TRIO: variants seen among roughly 807,000 people sequenced by gnomAD.
TRIO encodes trio Rho guanine nucleotide exchange factor.
TRIO carries 58 observed loss-of-function variants against 351.9 expected under a neutral mutation model. The observed-to-expected ratio is 0.16, with a 90% CI of 0.13 to 0.21. The LOEUF (loss-of-function observed/expected upper bound fraction) is 0.21. Ranked by LOEUF, TRIO falls within the 10% of genes least tolerant of loss-of-function variation. The probability of loss-of-function intolerance (pLI) is 1.00; values close to 1 mark genes in which losing one functional copy is unlikely to be tolerated. For missense variants in TRIO, 3,201 were observed against 4,027.8 expected (o/e 0.79, Z 5.56); for synonymous variants, 1,758 against 1,595.7 (o/e 1.10, Z -2.42).
At chr5:14,499,343 G>T (rs568848034) in intron 53 of TRIO, among the ~76,000 whole-genome samples, 1 of 152,326 alleles carries the variant, frequency 6.6e-6, no homozygotes, top group South Asian at 2.1e-4. Context: ...CTTTCAAAAC[G>T]TCCTGTAGTT....
chr5:14,201,883 T>C (rs1471089528), intron 1 of TRIO, among the ~76,000 whole-genome samples: 3 of 147,460 alleles, frequency 2.0e-5, no homozygotes, highest in African/African-American at 2.5e-5. Context: ...AAGTTGAAAA[T>C]TGCGTGTTCT....
intron 9 of TRIO, 141 bp from the exon 10 acceptor site, chr5:14,330,637 C>T (rs1341812522): frequency 4.8e-6 from 5 of 1,050,656 alleles, no homozygotes; most frequent in Non-Finnish European, 6.5e-6. Context: ...TATCCAATTA[C>T]TTCTTCCCAT....
At chr5:14,445,111 C>G (rs1342521944) in intron 34 of TRIO, among the ~76,000 whole-genome samples, 1 of 152,114 alleles carries the variant, frequency 6.6e-6, no homozygotes, top group African/African-American at 2.4e-5. Context: ...CCTCCAGGTG[C>G]TCAAAGTTGG....
intron 1 of TRIO, among the ~76,000 whole-genome samples, chr5:14,149,488 C>G (rs768643414): frequency 2.0e-5 from 3 of 152,092 alleles, no homozygotes; most frequent in Non-Finnish European, 4.4e-5. Context: ...TAAGGAAGCC[C>G]CTTGAAACCC....
At chr5:14,165,515 G>A (rs1357058915) in intron 1 of TRIO, among the ~76,000 whole-genome samples, 2 of 152,062 alleles carry the variant, frequency 1.3e-5, no homozygotes, top group Admixed American at 6.5e-5. Flanking sequence ...TACCATTGGC[G>A]GGCACGTGGG....
At chr5:14,202,294 A>ATTTTTTTTTT (rs60827656) in intron 1 of TRIO, among the ~76,000 whole-genome samples, 30 of 33,562 alleles carry the variant, frequency 8.9e-4, no homozygotes, top group African/African-American at 1.1e-3. Context: ...TATTTTTGTG[A>ATTTTTTTTTT]TTTTTTTTTT....
chr5:14,394,098 C>T lies in TRIO; in HGVS notation c.4279C>T (p.Gln1427Ter). 6.2e-7 allele frequency: 1 copy of T among 1,612,804 alleles called. No individual in the cohort carries two copies. Among genetic ancestry groups the T allele is most frequent in the Non-Finnish European group, 8.5e-7 (1 of 1,179,256 alleles). The stretch of plus-strand genomic sequence containing the variant: ...TTCTTCCTACCTTATTAAACCAGTT[C>T]AGCGAATAACGAAGTATCAGCTCCT... ...SISSYLIKPV[Q>*]RITKYQLLLK... The change falls in exon 28 of 57, where the codon CAG becomes TAG. Residue 1427 changes from glutamine (Q) to a stop codon, truncating the protein, a stop_gained. Transcript: ENST00000344204. LOFTEE classifies it high-confidence loss of function.
chr5:14,302,190 A>G (rs1737960966), intron 7 of TRIO, among the ~76,000 whole-genome samples: 1 of 152,208 alleles, frequency 6.6e-6, no homozygotes, highest in Non-Finnish European at 1.5e-5. Context: ...TGATTTTGAT[A>G]TAGTGATATG....
At chr5:14,347,429 C>G (rs1249044037) in intron 11 of TRIO, among the ~76,000 whole-genome samples, 1 of 152,260 alleles carries the variant, frequency 6.6e-6, no homozygotes, top group Non-Finnish European at 1.5e-5. Context: ...AGTTTAATCC[C>G]TGGTGTCACC....
At chr5:14,304,674 T>A (rs894771360) in intron 8 of TRIO, 82 bp downstream of exon 8, 6 of 1,479,634 alleles carry the variant, frequency 4.1e-6, no homozygotes, top group African/African-American at 2.8e-5. Context: ...AAAAAAAGTT[T>A]TGGGTAGCCC....
rs149898209 is a variant in TRIO at position 14,233,409 on chromosome 5, G to A, written c.158-37416G>A. On this transcript the variant is annotated intron_variant, in intron 1 of 56. Coordinates refer to ENST00000344204, the MANE Select transcript of TRIO (RefSeq NM_007118.4). Reference sequence around the variant, plus strand: ...GGAGGCTGAAGTGGGAGGACTGCTTGAGCCTGGGAGGCAGAGGTTGCAGTG... The same window carrying A: ...GGAGGCTGAAGTGGGAGGACTGCTTAAGCCTGGGAGGCAGAGGTTGCAGTG... 1.7e-4 allele frequency among the ~76,000 whole-genome samples: 26 copies of A among 151,204 alleles called. No homozygotes were observed. The East Asian group carries it at 5.1e-3, about 29-fold the overall frequency.
At chr5:14,407,429 C>T (rs1748824533) in intron 33 of TRIO, among the ~76,000 whole-genome samples, 1 of 152,252 alleles carries the variant, frequency 6.6e-6, no homozygotes, top group Non-Finnish European at 1.5e-5. Flanking sequence ...GGACCTACCA[C>T]ACTGAAGGCC....
intron 1 of TRIO, among the ~76,000 whole-genome samples, chr5:14,255,523 C>T (rs751644461): frequency 5.3e-5 from 8 of 152,192 alleles, no homozygotes; most frequent in Admixed American, 1.3e-4. Context: ...AGGCAAGTCA[C>T]GGGAGAACGC....
chr5:14,507,316 C>G lies in TRIO; in HGVS notation c.8751+56C>G, dbSNP rs555949417. The G allele has an allele frequency of 1.4e-5, 22 of 1,594,922 alleles. No homozygotes were observed. In the African/African-American group the frequency reaches 2.2e-4, roughly 16 times the overall value. On this transcript the variant is annotated intron_variant, in intron 56 of 56. Coordinates refer to ENST00000344204, the MANE Select transcript of TRIO (RefSeq NM_007118.4). ...GTCTGAGCACACCGGCTTGGCCATG[C>G]GGGACACAGAGCCCCCTCTGAAGCC...
At chr5:14,280,473 A>G in intron 3 of TRIO, 37 bp downstream of exon 3, 1 of 1,564,752 alleles carries the variant, frequency 6.4e-7, no homozygotes, top group Non-Finnish European at 8.8e-7. Context: ...CACTGATGTC[A>G]CATTTACAAG....
intron 38 of TRIO, among the ~76,000 whole-genome samples, chr5:14,472,168 T>C (rs558379364): frequency 3.2e-4 from 48 of 152,346 alleles, no homozygotes; most frequent in African/African-American, 1.1e-3. Context: ...GAAATACTTG[T>C]GAGTGATGTG....
intron 1 of TRIO, among the ~76,000 whole-genome samples, chr5:14,236,667 A>G (rs1419778319): frequency 6.6e-6 from 1 of 152,230 alleles, no homozygotes; most frequent in Admixed American, 6.5e-5. Flanking sequence ...TCTTAGTATA[A>G]TAACATTTCC....
At chr5:14,493,281 G>C (rs1182863507) in intron 49 of TRIO, among the ~76,000 whole-genome samples, 1 of 150,940 alleles carries the variant, frequency 6.6e-6, no homozygotes, top group African/African-American at 2.5e-5. Context: ...TTTGTGCTTT[G>C]CTTTAATGTG....
At chr5:14,433,209 A>C (rs528391433) in intron 34 of TRIO, among the ~76,000 whole-genome samples, 1 of 152,364 alleles carries the variant, frequency 6.6e-6, no homozygotes, top group South Asian at 2.1e-4. Context: ...ATAGTAAATA[A>C]AGCAATGAAA....
Sources: allele counts gnomAD v4.1 joint callset (sites outside exome capture counted in the v4.1 genomes callset), GRCh38; gene constraint gnomAD v4.1.1; transcripts MANE v1.5; gene names NCBI Gene and HGNC (gene_info 2026-07-23, HGNC 2026-07-21).